Variants in PCDH7 observed in about 807,000 individuals in gnomAD.
The protein encoded by PCDH7 is protocadherin 7, also known as protocadherin-7.
Under a neutral mutation model 58.9 loss-of-function variants are expected in PCDH7, and 17 were observed. The observed-to-expected ratio is 0.29, with a 90% CI of 0.20 to 0.43. PCDH7 has a LOEUF of 0.43. Among genes scored for constraint, PCDH7 ranks in the 20% least tolerant of loss-of-function variants. PCDH7 has a pLI of 1.00. For missense variants in PCDH7, 1,274 were observed against 1,441.0 expected, an observed-to-expected ratio of 0.88 and a Z score of 1.88; for synonymous variants, 664 against 616.4, an observed-to-expected ratio of 1.08 and a Z score of -1.14.
chr4:31,065,444 T>G (rs1029962862), intron 3 of PCDH7, among the ~76,000 whole-genome samples: 9 of 151,942 alleles, frequency 5.9e-5, no homozygotes, highest in Non-Finnish European at 1.3e-4. Context: ...TTCAACTTTC[T>G]TTTCCCTCCA....
intron 1 of PCDH7, among the ~76,000 whole-genome samples, chr4:30,754,370 G>A (rs912825717): frequency 6.6e-6 from 1 of 152,140 alleles, no homozygotes; most frequent in Non-Finnish European, 1.5e-5. Flanking sequence ...AGGGACATGA[G>A]CAGAAGTGTA....
chr4:31,105,029 A>T (rs1272238215), intron 3 of PCDH7, among the ~76,000 whole-genome samples: 2 of 152,312 alleles, frequency 1.3e-5, no homozygotes, highest in Admixed American at 6.5e-5. Context: ...ACTTAATAAA[A>T]TGGAAAACGG....
At chr4:31,133,009 C>T (rs557698121) in intron 3 of PCDH7, among the ~76,000 whole-genome samples, 1 of 152,268 alleles carries the variant, frequency 6.6e-6, no homozygotes, top group South Asian at 2.1e-4. Context: ...ATAATCATAC[C>T]TGTTTTCTTT....
At chr4:30,822,008 T>G (rs929442264) in intron 1 of PCDH7, among the ~76,000 whole-genome samples, 2 of 152,154 alleles carry the variant, frequency 1.3e-5, no homozygotes, top group African/African-American at 4.8e-5. Context: ...AGTTAAGCCC[T>G]GTCTCGTAGC....
chr4:30,824,415 C>T (rs1421676151), intron 1 of PCDH7, among the ~76,000 whole-genome samples: 1 of 151,958 alleles, frequency 6.6e-6, no homozygotes, highest in African/African-American at 2.4e-5. Flanking sequence ...ACATTATTTT[C>T]CTTTAAAAAT....
chr4:30,740,567 A>G (rs1716930707), intron 1 of PCDH7, among the ~76,000 whole-genome samples: 1 of 152,116 alleles, frequency 6.6e-6, no homozygotes, highest in Non-Finnish European at 1.5e-5. Context: ...TTGATTGCCA[A>G]TTGATTCAGG....
intron 1 of PCDH7, among the ~76,000 whole-genome samples, chr4:30,806,821 C>T (rs901213933): frequency 2.0e-5 from 3 of 151,924 alleles, no homozygotes; most frequent in African/African-American, 7.3e-5. Flanking sequence ...CTGCCCCAAC[C>T]TTAATTTGCC....
chr4:30,814,573 A>G (rs1322603638), intron 1 of PCDH7, among the ~76,000 whole-genome samples: 2 of 151,504 alleles, frequency 1.3e-5, no homozygotes, highest in East Asian at 3.9e-4. Flanking sequence ...ACCTACTTGA[A>G]TTTTCTCTTT....
intron 2 of PCDH7, among the ~76,000 whole-genome samples, chr4:30,926,254 G>A (rs921812907): frequency 6.6e-6 from 1 of 151,496 alleles, no homozygotes; most frequent in East Asian, 1.9e-4. Flanking sequence ...GCACAATCTC[G>A]GCTCACCGCA....
At chr4:31,056,600 AAGGAG>A (rs1186174009) in intron 3 of PCDH7, among the ~76,000 whole-genome samples, 1 of 147,008 alleles carries the variant, frequency 6.8e-6, no homozygotes, top group African/African-American at 2.5e-5. Context: ...GAAGGAAGGA[AAGGAG>A]AGAGAGAGAG....
chr4:31,016,857 TGTGTGTGTGCTGA>T (rs1211457932), intron 3 of PCDH7, among the ~76,000 whole-genome samples: 2 of 149,616 alleles, frequency 1.3e-5, no homozygotes, highest in Admixed American at 6.7e-5. Flanking sequence ...GTGCTGGGTG[TGTGTGTGTGCTGA>T]GTGTGTGTGC....
At chr4:31,006,787 G>A (rs1752799770) in intron 3 of PCDH7, among the ~76,000 whole-genome samples, 1 of 151,870 alleles carries the variant, frequency 6.6e-6, no homozygotes, top group Non-Finnish European at 1.5e-5. Context: ...AGCTACTTGG[G>A]AGGCTGAGGC....
chr4:30,986,443 AC>A (rs1560556057), intron 3 of PCDH7, among the ~76,000 whole-genome samples: 1 of 152,128 alleles, frequency 6.6e-6, no homozygotes, highest in African/African-American at 2.4e-5. Context: ...GAAAAAACCC[AC>A]CTATTTCTAC....
chr4:30,979,640 T>C (rs950491638), intron 3 of PCDH7, among the ~76,000 whole-genome samples: 1 of 151,748 alleles, frequency 6.6e-6, no homozygotes, highest in African/African-American at 2.4e-5. Context: ...TATCATATGA[T>C]CTTGAATGCC....
chr4:30,736,350 C>G (rs1001268754), downstream of PCDH7, among the ~76,000 whole-genome samples: 1 of 151,944 alleles, frequency 6.6e-6, no homozygotes, highest in African/African-American at 2.4e-5. Context: ...ATTTATTTAC[C>G]TGTAATCTTT....
chr4:30,749,209 G>A (rs1430976349), intron 1 of PCDH7, among the ~76,000 whole-genome samples: 1 of 152,204 alleles, frequency 6.6e-6, no homozygotes, highest in African/African-American at 2.4e-5. Flanking sequence ...AAGAAAAGGT[G>A]TGGTTTCACC....
chr4:31,039,949 G>C (rs552062129), intron 3 of PCDH7, among the ~76,000 whole-genome samples: 1 of 152,256 alleles, frequency 6.6e-6, no homozygotes, highest in Non-Finnish European at 1.5e-5. Flanking sequence ...TCTGCACTCA[G>C]TTTAAAGGTT....
chr4:31,004,663 G>A (rs1261020181), intron 3 of PCDH7, among the ~76,000 whole-genome samples: 3 of 152,112 alleles, frequency 2.0e-5, no homozygotes, highest in Non-Finnish European at 2.9e-5. Context: ...TCCAGCCTGG[G>A]CAACAGAGCG....
At chr4:30,731,653 T>C (rs561123385) in exon 2 of PCDH7, 3 of 152,292 alleles carry the variant, frequency 2.0e-5, no homozygotes, top group African/African-American at 4.8e-5. Context: ...AGTCCATATT[T>C]ATTAAACATC....
Sources: gnomAD v4.1 joint callset for allele counts (sites outside exome capture counted in the v4.1 genomes callset) on GRCh38, gnomAD v4.1.1 for gene constraint, MANE v1.5 for transcripts, NCBI Gene and HGNC (gene_info 2026-07-23, HGNC 2026-07-21) for gene names.